Variants in KLHL32 observed in about 807,000 individuals in gnomAD.
The protein encoded by KLHL32 is kelch-like protein 32.
A neutral mutation model predicts 64.8 loss-of-function variants in KLHL32; 35 were observed. The observed-to-expected ratio is 0.54, with a 90% CI of 0.41 to 0.72. The LOEUF is 0.72. KLHL32 is among the 30% of genes least tolerant of loss of function. The pLI, the probability that KLHL32 is intolerant of heterozygous loss-of-function variation, is 0.00. For synonymous variants in KLHL32, 259 were observed against 281.0 expected (o/e 0.92, Z 0.78); for missense variants, 589 against 768.5 (o/e 0.77, Z 2.76).
At chr6:97,109,473 A>G (rs908139050) in intron 6 of KLHL32, among the ~76,000 whole-genome samples, 2 of 152,220 alleles carry the variant, frequency 1.3e-5, no homozygotes, top group Non-Finnish European at 2.9e-5. Context: ...GTGATGTGGG[A>G]TGATAGTAGA....
At chr6:97,020,477 A>G (rs1417644022) in intron 3 of KLHL32, among the ~76,000 whole-genome samples, 1 of 150,822 alleles carries the variant, frequency 6.6e-6, no homozygotes, top group African/African-American at 2.5e-5. Flanking sequence ...AAATAAGCAC[A>G]CATTTTGTCA....
chr6:96,999,560 G>C, intron 3 of KLHL32: 1 of 973,892 alleles, frequency 1.0e-6, no homozygotes, highest in Non-Finnish European at 1.2e-6. Flanking sequence ...AAAAATCCAG[G>C]TATTAGGACC....
intron 1 of KLHL32, among the ~76,000 whole-genome samples, chr6:96,944,688 G>A (rs58059014): frequency 0.016 from 2,368 of 152,290 alleles, 73 homozygotes; most frequent in African/African-American, 0.055. Flanking sequence ...TATATTACTT[G>A]TTCAAGTTGC....
intron 3 of KLHL32, among the ~76,000 whole-genome samples, chr6:97,003,232 A>G (rs183301019): frequency 6.6e-6 from 1 of 152,194 alleles, no homozygotes; most frequent in Non-Finnish European, 1.5e-5. Context: ...TTTGATTTCC[A>G]TTTCTCAAAT....
At chr6:96,962,141 G>C (rs1406694839) in intron 1 of KLHL32, among the ~76,000 whole-genome samples, 3 of 152,034 alleles carry the variant, frequency 2.0e-5, no homozygotes, top group Non-Finnish European at 4.4e-5. Context: ...TCACTATTAT[G>C]GTTTAATAAG....
the KLHL32 span, among the ~76,000 whole-genome samples, chr6:96,913,756 T>G: frequency 6.6e-6 from 1 of 152,204 alleles, no homozygotes; most frequent in African/African-American, 2.4e-5. Flanking sequence ...AGGCTTTCCC[T>G]TAACATATGT....
At chr6:97,112,221 G>A (rs1446138882) in intron 6 of KLHL32, among the ~76,000 whole-genome samples, 4 of 152,188 alleles carry the variant, frequency 2.6e-5, no homozygotes, top group Middle Eastern at 3.4e-3. Flanking sequence ...CTATTTCTTT[G>A]CTTCATTCTT....
At chr6:97,099,752 C>T (rs189562850) in intron 6 of KLHL32, among the ~76,000 whole-genome samples, 51 of 152,216 alleles carry the variant, frequency 3.4e-4, no homozygotes, top group African/African-American at 1.2e-3. Flanking sequence ...TCCTTACATG[C>T]TTGATTTCTG....
At chr6:97,046,981 A>T (rs1786029818) in intron 4 of KLHL32, among the ~76,000 whole-genome samples, 1 of 152,218 alleles carries the variant, frequency 6.6e-6, no homozygotes, top group South Asian at 2.1e-4. Flanking sequence ...TATGAAATGT[A>T]CGTATTTTAA....
At chr6:97,041,407 T>C (rs1785096450) in intron 3 of KLHL32, 85 bp from the exon 4 acceptor site, 1 of 822,678 alleles carries the variant, frequency 1.2e-6, no homozygotes, top group South Asian at 1.5e-5. Flanking sequence ...GTAAAACTTT[T>C]TTTTCCCCTA....
At chr6:96,930,947 G>C (rs1018762050) in intron 1 of KLHL32, among the ~76,000 whole-genome samples, 15 of 152,116 alleles carry the variant, frequency 9.9e-5, no homozygotes, top group Admixed American at 7.2e-4. Flanking sequence ...TGTGTTCTCT[G>C]TAGAATTAAT....
chr6:96,994,388 C>A, intron 3 of KLHL32: 1 of 557,064 alleles, frequency 1.8e-6, no homozygotes, highest in Non-Finnish European at 2.3e-6. Context: ...TCTTAATATC[C>A]GGAAAATAAA....
the KLHL32 span, among the ~76,000 whole-genome samples, chr6:96,913,553 A>G: frequency 6.6e-6 from 1 of 152,208 alleles, no homozygotes; most frequent in Non-Finnish European, 1.5e-5. Context: ...AAATTTTACC[A>G]ATAACTTTTT....
chr6:96,964,338 T>C (rs1774196498), intron 1 of KLHL32, among the ~76,000 whole-genome samples: 1 of 152,202 alleles, frequency 6.6e-6, no homozygotes, highest in African/African-American at 2.4e-5. Flanking sequence ...ACTCTATTTA[T>C]GGTGAGAGAA....
chr6:97,107,983 G>A (rs778193136), intron 6 of KLHL32, among the ~76,000 whole-genome samples: 7 of 152,152 alleles, frequency 4.6e-5, no homozygotes, highest in Non-Finnish European at 1.0e-4. Context: ...TTCCTTTTAG[G>A]AAGGAACAAT....
chr6:96,899,611 T>C, the KLHL32 span, among the ~76,000 whole-genome samples: 1 of 152,210 alleles, frequency 6.6e-6, no homozygotes, highest in Non-Finnish European at 1.5e-5. Flanking sequence ...CTTTGCCTGA[T>C]CCTGGCCCAG....
At chr6:96,924,401 G>A (rs528141782), upstream of KLHL32, among the ~76,000 whole-genome samples, 53 of 151,488 alleles carry the variant, frequency 3.5e-4, no homozygotes, top group East Asian at 2.1e-3. Context: ...CGGAGAGCGA[G>A]GAGGAGGGCG....
At chr6:97,003,826 T>C (rs1328578686) in intron 3 of KLHL32, among the ~76,000 whole-genome samples, 1 of 152,232 alleles carries the variant, frequency 6.6e-6, no homozygotes, top group African/African-American at 2.4e-5. Flanking sequence ...TTTCTGGTTC[T>C]CTATTCTGTT....
intron 6 of KLHL32, among the ~76,000 whole-genome samples, chr6:97,105,747 A>G (rs1796320221): frequency 1.3e-5 from 2 of 150,206 alleles, no homozygotes; most frequent in South Asian, 4.2e-4. Flanking sequence ...AGTGAAAGAC[A>G]ATATTTGTAG....
Sources: allele counts gnomAD v4.1 joint callset (sites outside exome capture counted in the v4.1 genomes callset), GRCh38; gene constraint gnomAD v4.1.1; transcripts MANE v1.5; gene names NCBI Gene and HGNC (gene_info 2026-07-23, HGNC 2026-07-21).